Variants in FRMD4A observed in about 807,000 individuals in gnomAD.
FRMD4A encodes the protein FERM domain containing 4A.
In FRMD4A, 29 loss-of-function variants were observed where a neutral mutation model predicts 129.1. The ratio of observed to expected loss-of-function variants is 0.22; its 90% CI spans 0.17 to 0.31. FRMD4A has a LOEUF of 0.31. FRMD4A is among the 10% of genes least tolerant of loss of function. The pLI, the probability that FRMD4A is intolerant of heterozygous loss-of-function variation, is 1.00. For synonymous variants in FRMD4A, 634 were observed against 571.6 expected (o/e 1.11, Z -1.56); for missense variants, 1,272 against 1,375.8 (o/e 0.92, Z 1.19).
At chr10:14,163,739 C>T (rs1241434884) in intron 2 of FRMD4A, among the ~76,000 whole-genome samples, 10 of 152,106 alleles carry the variant, frequency 6.6e-5, no homozygotes, top group Admixed American at 6.6e-4. Flanking sequence ...CAGGTCTGGC[C>T]CGAAAAGGAA....
chr10:13,960,329 G>C (rs887893592), intron 2 of FRMD4A, among the ~76,000 whole-genome samples: 3 of 152,202 alleles, frequency 2.0e-5, no homozygotes, highest in Non-Finnish European at 4.4e-5. Flanking sequence ...TTAATTTTTT[G>C]AGACGTTAAG....
At chr10:14,183,461 T>G (rs1460966574) in intron 2 of FRMD4A, among the ~76,000 whole-genome samples, 1 of 152,204 alleles carries the variant, frequency 6.6e-6, no homozygotes, top group Non-Finnish European at 1.5e-5. Flanking sequence ...ATGTTTACAA[T>G]GTGACCTTTC....
chr10:13,762,794 G>T, intron 6 of FRMD4A, 114 bp from the exon 7 acceptor site: 1 of 697,728 alleles, frequency 1.4e-6, no homozygotes. Flanking sequence ...TGGAGTTTGA[G>T]ACCAGCCTGG....
intron 3 of FRMD4A, among the ~76,000 whole-genome samples, chr10:13,826,137 T>G (rs2093697365): frequency 6.6e-6 from 1 of 152,216 alleles, no homozygotes; most frequent in African/African-American, 2.4e-5. Context: ...ACAAGGGACC[T>G]GGTACATGAG....
At chr10:14,222,806 G>T (rs11258949) in intron 2 of FRMD4A, among the ~76,000 whole-genome samples, 78,277 of 152,082 alleles carry the variant, frequency 0.51, 21,889 homozygotes, top group Middle Eastern at 0.63. Context: ...TGTAGGCCAG[G>T]TGCGGTGCCT....
intron 2 of FRMD4A, among the ~76,000 whole-genome samples, chr10:14,097,450 A>T (rs1186731346): frequency 6.6e-6 from 1 of 152,148 alleles, no homozygotes; most frequent in Non-Finnish European, 1.5e-5. Flanking sequence ...AATGCTTTTA[A>T]GTGAATCATC....
intron 24 of FRMD4A, chr10:13,648,731 C>G (rs891002262): frequency 1.3e-5 from 2 of 152,202 alleles, no homozygotes; most frequent in African/African-American, 4.8e-5. Context: ...GCTTGTTGAA[C>G]TGAGTTTTTC....
chr10:14,272,963 C>T (rs894662057), intron 2 of FRMD4A, among the ~76,000 whole-genome samples: 3 of 152,102 alleles, frequency 2.0e-5, no homozygotes, highest in Admixed American at 1.3e-4. Flanking sequence ...CACCTGTAGT[C>T]CCAGCACTTT....
At chr10:13,809,558 T>C (rs1329512196) in intron 4 of FRMD4A, among the ~76,000 whole-genome samples, 1 of 152,210 alleles carries the variant, frequency 6.6e-6, no homozygotes, top group Non-Finnish European at 1.5e-5. Context: ...CGCACAGCCC[T>C]GAACCTTTCC....
intron 2 of FRMD4A, among the ~76,000 whole-genome samples, chr10:14,081,617 A>G (rs1835934158): frequency 6.6e-6 from 1 of 152,248 alleles, no homozygotes; most frequent in Non-Finnish European, 1.5e-5. Flanking sequence ...TGAAAGTGCC[A>G]TCATCCAATA....
intron 2 of FRMD4A, among the ~76,000 whole-genome samples, chr10:14,318,893 C>T (rs531450856): frequency 6.6e-6 from 1 of 152,304 alleles, no homozygotes; most frequent in African/African-American, 2.4e-5. Context: ...GGAAATGCAA[C>T]AGGAGCAAGT....
At chr10:13,963,843 G>A (rs1367004643) in intron 2 of FRMD4A, among the ~76,000 whole-genome samples, 1 of 152,190 alleles carries the variant, frequency 6.6e-6, no homozygotes, top group African/African-American at 2.4e-5. Context: ...GTGGTCTCCA[G>A]ACAGCCAGTG....
intron 16 of FRMD4A, among the ~76,000 whole-genome samples, chr10:13,670,863 C>T (rs1250683275): frequency 6.6e-6 from 1 of 152,220 alleles, no homozygotes; most frequent in Non-Finnish European, 1.5e-5. Flanking sequence ...CTGCCTGCCT[C>T]CTCTGTGCCA....
intron 9 of FRMD4A, among the ~76,000 whole-genome samples, chr10:13,747,043 C>T (rs536736618): frequency 4.7e-4 from 71 of 152,208 alleles, no homozygotes; most frequent in South Asian, 2.3e-3. Context: ...GGTTCTCCCA[C>T]GTCTCAAAAC....
intron 2 of FRMD4A, among the ~76,000 whole-genome samples, chr10:14,291,648 T>A (rs1845853186): frequency 6.6e-6 from 1 of 152,110 alleles, no homozygotes; most frequent in Admixed American, 6.5e-5. Flanking sequence ...AAAACTTCAT[T>A]TTCCAGATAT....
In FRMD4A at chr10:14,317,067, C is replaced by G. The variant is rs144179471; in HGVS notation, c.45+12991G>C. Among the ~76,000 whole-genome samples the G allele has an allele frequency of 2.5e-3, 379 of 152,226 alleles. 2 individuals are homozygous for G. The highest frequency in any genetic ancestry group is 8.0e-3 in the African/African-American group (331 of 41,526). The stretch of plus-strand genomic sequence containing the variant: ...TATCTCCTTGTTCAGATTCCTTTGC[C>G]TCAGATTCACCTCTTCTTTCAATTT... On this transcript the variant is annotated intron_variant, in intron 2 of 24. Transcript: ENST00000357447.
At chr10:14,186,265 T>G (rs572863286) in intron 2 of FRMD4A, among the ~76,000 whole-genome samples, 1 of 152,272 alleles carries the variant, frequency 6.6e-6, no homozygotes, top group Non-Finnish European at 1.5e-5. Flanking sequence ...AGAACCAGCC[T>G]GTGATGTCAC....
At chr10:13,745,492 G>T (rs1450895318) in intron 9 of FRMD4A, among the ~76,000 whole-genome samples, 2 of 152,170 alleles carry the variant, frequency 1.3e-5, no homozygotes, top group Non-Finnish European at 2.9e-5. Context: ...GGTCGTGATG[G>T]TATGGGATGT....
chr10:13,774,656 G>A (rs1182258724), intron 6 of FRMD4A, among the ~76,000 whole-genome samples: 3 of 152,154 alleles, frequency 2.0e-5, no homozygotes, highest in Admixed American at 6.5e-5. Flanking sequence ...ACCAGCTTGC[G>A]ACGGGATCAC....
Sources: allele counts gnomAD v4.1 joint callset (sites outside exome capture counted in the v4.1 genomes callset), GRCh38; gene constraint gnomAD v4.1.1; transcripts MANE v1.5; gene names NCBI Gene and HGNC (gene_info 2026-07-23, HGNC 2026-07-21).